The following KLHL41 variants were observed in gnomAD, a reference collection of about 807,000 sequenced individuals.
The protein encoded by KLHL41 is kelch-like protein 41.
Under a neutral mutation model 49.2 loss-of-function variants are expected in KLHL41, and 31 were observed. That is an observed-to-expected ratio of 0.63 (90% CI 0.47 to 0.85). The LOEUF (loss-of-function observed/expected upper bound fraction) is 0.85, where lower values mean the gene tolerates loss of function less well. KLHL41 is among the 40% of genes least tolerant of loss of function. The pLI, the probability that KLHL41 is intolerant of heterozygous loss-of-function variation, is 0.00. For missense variants in KLHL41, 663 were observed against 726.7 expected, an observed-to-expected ratio of 0.91 and a Z score of 1.01; for synonymous variants, 218 against 258.5, an observed-to-expected ratio of 0.84 and a Z score of 1.50.
At chr2:169,522,493 A>G (rs1281911067) in intron 5 of KLHL41, among the ~76,000 whole-genome samples, 1 of 152,112 alleles carries the variant, frequency 6.6e-6, no homozygotes, top group African/African-American at 2.4e-5. Context: ...AAAAGGATGA[A>G]CTAATGAAGG....
rs148802091 is a variant in KLHL41 at position 169,524,543 on chromosome 2, G to A, written c.1710-1042G>A. ...CTCCGGAGTAGCTAGGATTACAGAC[G>A]CACACTACCATGCCTGGCTAATTTT... On this transcript the variant is annotated intron_variant, in intron 5 of 5. Transcript: ENST00000284669. Among the ~76,000 whole-genome samples the A allele has an allele frequency of 1.3e-4, 20 of 150,504 alleles. No homozygotes were observed. In the East Asian group the frequency reaches 3.2e-3, roughly 24 times the overall value.
chr2:169,520,119 T>C (rs969086591), intron 4 of KLHL41, among the ~76,000 whole-genome samples: 4 of 150,280 alleles, frequency 2.7e-5, no homozygotes, highest in Non-Finnish European at 5.9e-5. Context: ...CCCAAGTAGC[T>C]GGGACTATAG....
chr2:169,516,885 G>A (rs545185824), intron 3 of KLHL41, among the ~76,000 whole-genome samples: 1 of 152,276 alleles, frequency 6.6e-6, no homozygotes, highest in East Asian at 1.9e-4. Flanking sequence ...ACCGGGCGTG[G>A]TGCCGTTTGC....
At chr2:169,523,555 T>C (rs1179259155) in intron 5 of KLHL41, among the ~76,000 whole-genome samples, 1 of 152,184 alleles carries the variant, frequency 6.6e-6, no homozygotes, top group Non-Finnish European at 1.5e-5. Context: ...TCTCAAACTT[T>C]GCTGCATATT....
intron 5 of KLHL41, among the ~76,000 whole-genome samples, chr2:169,524,625 T>C (rs1684268701): frequency 6.6e-6 from 1 of 152,032 alleles, no homozygotes; most frequent in African/African-American, 2.4e-5. Context: ...CTCAAACTCC[T>C]GATCTCAGGT....
intron 5 of KLHL41, among the ~76,000 whole-genome samples, chr2:169,522,801 C>T (rs1300417828): frequency 7.0e-6 from 1 of 142,268 alleles, no homozygotes; most frequent in Non-Finnish European, 1.5e-5. Context: ...TGGCTCATTG[C>T]AACCTCCAGC....
In KLHL41 at chr2:169,510,743, A is replaced by G; in HGVS notation, c.965A>G (p.Asn322Ser). 1 of 1,614,194 alleles carries G rather than the reference A, an allele frequency of 6.2e-7. No individual in the cohort carries two copies. Among genetic ancestry groups the G allele is most frequent in the South Asian group, 1.1e-5 (1 of 91,082 alleles). Residue 322 changes from asparagine to serine, a missense_variant, in exon 1 of 6, where the codon AAT becomes AGT. Asn to Ser is a conservative substitution (Grantham distance 46). This residue lies in a region of KLHL41 where 528 missense variants were observed against 581.0 expected (regional missense o/e 0.91). Coordinates refer to ENST00000284669, the MANE Select transcript of KLHL41 (RefSeq NM_006063.3). The surrounding 1 kb of genome is among the most constrained non-coding windows in gnomAD (Gnocchi z 4.2). ...TAAVAYDPTE[N>S]ECYLTALAEQ... is the part of the protein sequence containing the mutation. ...GCAGTGGCTTATGACCCCACGGAAA[A>G]TGAATGCTACCTTACTGCACTGGCT... is the stretch of plus-strand genomic sequence containing the variant.
At chr2:169,516,296 A>C (rs531675593) in intron 3 of KLHL41, among the ~76,000 whole-genome samples, 1 of 152,364 alleles carries the variant, frequency 6.6e-6, no homozygotes, top group East Asian at 1.9e-4. Context: ...GGTATTAGTC[A>C]ATTTAAATGG....
At chr2:169,521,813 A>C (rs573164343) in intron 5 of KLHL41, among the ~76,000 whole-genome samples, 3 of 152,368 alleles carry the variant, frequency 2.0e-5, no homozygotes, top group Admixed American at 6.5e-5. Context: ...AAATGAAAAA[A>C]GTCAAAATAG....
Position 169,520,881 on chromosome 2 carries a change from T to A in KLHL41, c.1583T>A (p.Phe528Tyr). The change falls in exon 5 of 6, where the codon TTT becomes TAT. Residue 528 changes from phenylalanine (F) to tyrosine (Y), a missense_variant. Physicochemically the swap from Phe to Tyr is conservative, Grantham distance 22. Coordinates refer to ENST00000284669, the MANE Select transcript of KLHL41 (RefSeq NM_006063.3). ...CCTAGATGGGATGTAATGACCGAAT[T>A]TCCCCAAGAAAGAAGCTCCATCAGT... ...TTNKWDVMTE[F>Y]PQERSSISLV... is the part of the protein sequence containing the mutation. The A allele has an allele frequency of 6.2e-7, 1 of 1,612,726 alleles. No individual in the cohort carries two copies. The highest frequency in any genetic ancestry group is 1.1e-5 in the South Asian group (1 of 90,896).
rs758684130 is a variant in KLHL41 at position 169,525,586 on chromosome 2, T to C, written c.1711T>C (p.Tyr571His). 99 of 1,585,526 alleles carry C rather than the reference T, an allele frequency of 6.2e-5. 1 individual carries two copies. In the Middle Eastern group the frequency reaches 1.0e-3, roughly 16 times the overall value. ...APTEVNDIWK[Y>H]EDDKKEWAGM... ...ATTACTTTTTTTTTCCTCCATCAGGTATGAAGATGATAAAAAAGAATGGGC... is the reference window on the plus strand; with the variant it reads ...ATTACTTTTTTTTTCCTCCATCAGGCATGAAGATGATAAAAAAGAATGGGC... Residue 571 changes from tyrosine (Y) to histidine (H), a missense_variant and splice_region_variant, in exon 6 of 6, where the codon TAT (tyrosine) becomes CAT (histidine). By Grantham distance (83) the Tyr-to-His change is moderately conservative. Coordinates refer to ENST00000284669, the MANE Select transcript of KLHL41 (RefSeq NM_006063.3).
rs751438442 is a variant in KLHL41 at position 169,514,598 on chromosome 2, G to A, written c.1135G>A (p.Val379Ile). Residue 379 changes from valine to isoleucine, a missense_variant, in exon 2 of 6, where the codon GTT (valine) becomes ATT (isoleucine). This residue lies in a region of KLHL41 where 528 missense variants were observed against 581.0 expected (regional missense o/e 0.91). Coordinates refer to ENST00000284669, the MANE Select transcript of KLHL41 (RefSeq NM_006063.3). ...FQLDSIASEWVGLPPLPSARC... is the reference protein window; with the variant it reads ...FQLDSIASEWIGLPPLPSARC... ...GCTCGATAGCATAGCATCTGAATGG[G>A]TTGGACTTCCACCTCTGCCTTCAGC... is the stretch of plus-strand genomic sequence containing the variant. The A allele has an allele frequency of 5.0e-6, 8 of 1,613,882 alleles. No individual in the cohort carries two copies. Among genetic ancestry groups the A allele is most frequent in the Non-Finnish European group, 5.9e-6 (7 of 1,179,906 alleles).
At chr2:169,511,391 AAT>A in intron 1 of KLHL41, among the ~76,000 whole-genome samples, 1 of 152,296 alleles carries the variant, frequency 6.6e-6, no homozygotes, top group East Asian at 1.9e-4. Context: ...ACCTATTAAA[AAT>A]AGTTAATGTC....
chr2:169,509,942 GTCCTTACT>G lies in KLHL41; in HGVS notation c.168_175del (p.Tyr57Ter), dbSNP rs1247404453. 6.2e-7 allele frequency: 1 copy of G among 1,614,142 alleles called. No individual in the cohort carries two copies. Among genetic ancestry groups the G allele is most frequent in the Admixed American group, 1.7e-5 (1 of 60,018 alleles). On this transcript the variant is annotated frameshift_variant, in exon 1 of 6. Transcript: ENST00000284669. LOFTEE classifies it high-confidence loss of function. ...CACAGATTGATTTTGTCAGCTTGTA[GTCCTTACT>G]TCCGTGAGTACTTTTTATCTGAAAT...
At chr2:169,518,684 A>G (rs1684154377) in intron 4 of KLHL41, among the ~76,000 whole-genome samples, 1 of 152,144 alleles carries the variant, frequency 6.6e-6, no homozygotes, top group African/African-American at 2.4e-5. Flanking sequence ...GTGAATAATT[A>G]TGATTATTTT....
rs1684299569 is a variant in KLHL41, at chr2:169,525,973, AAATTT to A, written c.*278_*282del. ...TCAATGGATTGTAAAGAAGGCTCCTAAATTTGAGTTGTTTGCTAATCATTTCATTT... is the reference window on the plus strand; with the variant it reads ...TCAATGGATTGTAAAGAAGGCTCCTAGAGTTGTTTGCTAATCATTTCATTT... On this transcript the variant is annotated 3_prime_UTR_variant, in exon 6 of 6. Transcript: ENST00000284669. The A allele has an allele frequency of 4.2e-6, 1 of 240,202 alleles. No individual in the cohort carries two copies. The highest frequency in any genetic ancestry group is 7.9e-5 in the East Asian group (1 of 12,614). 14.9% of individuals were successfully genotyped at this position (240,202 alleles called of 1,614,324 possible).
chr2:169,518,698 G>T (rs1684154510), intron 4 of KLHL41, among the ~76,000 whole-genome samples: 1 of 152,154 alleles, frequency 6.6e-6, no homozygotes, highest in African/African-American at 2.4e-5. Flanking sequence ...TTATTTTTAA[G>T]AGACAAGGTC....
chr2:169,520,150 C>CTG (rs1280284896), intron 4 of KLHL41, among the ~76,000 whole-genome samples: 1 of 138,064 alleles, frequency 7.2e-6, no homozygotes, highest in Non-Finnish European at 1.5e-5. Flanking sequence ...CCAGGCCTAG[C>CTG]TCTGTGTGTG....
chr2:169,514,709 T>C lies in KLHL41; in HGVS notation c.1246T>C (p.Ser416Pro), dbSNP rs1295133367. The C allele has an allele frequency of 8.7e-6, 14 of 1,614,174 alleles. No individual in the cohort carries two copies. The highest frequency in any genetic ancestry group is 1.2e-5 in the Non-Finnish European group (14 of 1,180,018). Residue 416 changes from serine to proline, a missense_variant, in exon 2 of 6, where the codon TCA becomes CCA. Physicochemically the swap from Ser to Pro is moderately conservative, Grantham distance 74. Coordinates refer to ENST00000284669, the MANE Select transcript of KLHL41 (RefSeq NM_006063.3). ...CCTTCAAACAGAGGCTTCGCTGGAT[T>C]CAGTATTATGCTATGATCCTGTGTA... The part of the protein sequence containing the change: ...KDLQTEASLD[S>P]VLCYDPVAAK...
Sources: gnomAD v4.1 joint callset for allele counts (sites outside exome capture counted in the v4.1 genomes callset) on GRCh38, gnomAD v4.1.1 for gene constraint, gnomAD v4.1.1 regional missense constraint, Gnocchi (gnomAD v3.1) non-coding constraint, MANE v1.5 for transcripts, NCBI Gene and HGNC (gene_info 2026-07-23, HGNC 2026-07-21) for gene names.